The following SHISA9 variants were observed in gnomAD, a reference collection of about 807,000 sequenced individuals.
SHISA9 encodes shisa family member 9.
Under a neutral mutation model 38.0 loss-of-function variants are expected in SHISA9, and 13 were observed. That is an observed-to-expected ratio of 0.34 (90% CI 0.22 to 0.54). The LOEUF is 0.54. Among genes scored for constraint, SHISA9 ranks in the 20% least tolerant of loss-of-function variants. SHISA9 has a pLI of 0.91. For synonymous variants in SHISA9, 275 were observed against 242.0 expected (o/e 1.14, Z -1.27); for missense variants, 538 against 575.8 (o/e 0.93, Z 0.67).
At chr16:13,101,220 A>G (rs1462418427) in intron 2 of SHISA9, among the ~76,000 whole-genome samples, 1 of 152,214 alleles carries the variant, frequency 6.6e-6, no homozygotes, top group African/African-American at 2.4e-5. Flanking sequence ...ACAATACTGT[A>G]CTGTATACTT....
intron 2 of SHISA9, among the ~76,000 whole-genome samples, chr16:13,080,949 A>G (rs2073641552): frequency 6.6e-6 from 1 of 152,106 alleles, no homozygotes; most frequent in African/African-American, 2.4e-5. Flanking sequence ...TCACATGGCC[A>G]AGAGAGAGGT....
chr16:13,412,166 G>A, the SHISA9 span, among the ~76,000 whole-genome samples: 141 of 152,210 alleles, frequency 9.3e-4, no homozygotes, highest in Non-Finnish European at 1.8e-3. Flanking sequence ...CATTTTCTGG[G>A]TTCTCAACTG....
intron 2 of SHISA9, among the ~76,000 whole-genome samples, chr16:13,118,400 C>T (rs529022391): frequency 6.6e-6 from 1 of 152,188 alleles, no homozygotes; most frequent in African/African-American, 2.4e-5. Flanking sequence ...AAGAAGAGAA[C>T]AGGACATTTT....
chr16:13,543,511 G>A, the SHISA9 span, among the ~76,000 whole-genome samples: 2 of 152,106 alleles, frequency 1.3e-5, no homozygotes, highest in African/African-American at 2.4e-5. Flanking sequence ...CCACTCAGAC[G>A]GCCAGCATAA....
At chr16:13,484,133 C>A in the SHISA9 span, among the ~76,000 whole-genome samples, 3 of 152,046 alleles carry the variant, frequency 2.0e-5, no homozygotes, top group Non-Finnish European at 4.4e-5. Context: ...AGAGGACACC[C>A]AGCTGGTATT....
the SHISA9 span, among the ~76,000 whole-genome samples, chr16:13,469,863 T>G: frequency 6.6e-6 from 1 of 152,092 alleles, no homozygotes; most frequent in Non-Finnish European, 1.5e-5. Context: ...GGGTGGGAAG[T>G]TTGCTCTTTT....
intron 2 of SHISA9, among the ~76,000 whole-genome samples, chr16:13,091,756 A>G (rs1385750405): frequency 6.6e-6 from 1 of 152,244 alleles, no homozygotes; most frequent in East Asian, 1.9e-4. Flanking sequence ...ATCCTCCTTT[A>G]GCTCGGAGAA....
the SHISA9 span, among the ~76,000 whole-genome samples, chr16:13,330,098 T>C: frequency 6.6e-6 from 1 of 152,226 alleles, no homozygotes; most frequent in African/African-American, 2.4e-5. Context: ...TATCAGTTAA[T>C]GTTTGTTGTG....
intron 2 of SHISA9, among the ~76,000 whole-genome samples, chr16:13,068,434 T>G (rs116435139): frequency 0.013 from 1,926 of 152,312 alleles, 35 homozygotes; most frequent in African/African-American, 0.042. Flanking sequence ...TGTTGTACAC[T>G]TATTCTCACT....
intron 2 of SHISA9, among the ~76,000 whole-genome samples, chr16:13,061,894 G>A (rs780886968): frequency 6.6e-5 from 10 of 152,172 alleles, no homozygotes; most frequent in Non-Finnish European, 1.3e-4. Context: ...GTGGGGGGAG[G>A]AGCATTCTAA....
the SHISA9 span, among the ~76,000 whole-genome samples, chr16:13,321,144 C>G: frequency 6.6e-6 from 1 of 152,118 alleles, no homozygotes; most frequent in African/African-American, 2.4e-5. Flanking sequence ...TCTGGAAATC[C>G]ACAATGAAGT....
At chr16:12,972,538 C>G (rs2072098717) in intron 2 of SHISA9, among the ~76,000 whole-genome samples, 1 of 152,222 alleles carries the variant, frequency 6.6e-6, no homozygotes, top group Admixed American at 6.5e-5. Context: ...TCTAAGTCAG[C>G]ACTGTCCAAA....
chr16:13,532,665 C>T, the SHISA9 span, among the ~76,000 whole-genome samples: 3 of 152,090 alleles, frequency 2.0e-5, no homozygotes, highest in African/African-American at 7.2e-5. Flanking sequence ...AAAGTGTCCC[C>T]CTTGCTTCAC....
intron 2 of SHISA9, among the ~76,000 whole-genome samples, chr16:13,108,594 A>G (rs551501688): frequency 1.5e-3 from 235 of 152,204 alleles, no homozygotes; most frequent in African/African-American, 5.5e-3. Context: ...TAGAAAACCA[A>G]CCGTTACCTC....
At chr16:13,024,845 C>G (rs1596593641) in intron 2 of SHISA9, among the ~76,000 whole-genome samples, 2 of 152,252 alleles carry the variant, frequency 1.3e-5, no homozygotes, top group East Asian at 3.9e-4. Flanking sequence ...CTTCCTGACG[C>G]CTGGTTAGCA....
At chr16:13,094,718 T>C (rs888140396) in intron 2 of SHISA9, among the ~76,000 whole-genome samples, 1 of 152,144 alleles carries the variant, frequency 6.6e-6, no homozygotes, top group Non-Finnish European at 1.5e-5. Flanking sequence ...GTAGACTTTG[T>C]TTTGGGTAAA....
At chr16:13,341,373 T>A in the SHISA9 span, among the ~76,000 whole-genome samples, 1 of 152,190 alleles carries the variant, frequency 6.6e-6, no homozygotes, top group Admixed American at 6.5e-5. Flanking sequence ...TTTTGTTTAA[T>A]CTTGTATGAG....
the SHISA9 span, among the ~76,000 whole-genome samples, chr16:13,468,907 C>T: frequency 2.1e-3 from 312 of 151,574 alleles, 1 homozygote; most frequent in African/African-American, 7.4e-3. Context: ...ATATAAAACA[C>T]ATATATAAAA....
At chr16:13,152,131 G>C (rs945931479) in intron 2 of SHISA9, among the ~76,000 whole-genome samples, 2 of 152,136 alleles carry the variant, frequency 1.3e-5, no homozygotes, top group Non-Finnish European at 2.9e-5. Flanking sequence ...ATAAATAAAA[G>C]GGGCTAGTTC....
Sources: gnomAD v4.1 joint callset for allele counts (sites outside exome capture counted in the v4.1 genomes callset) on GRCh38, gnomAD v4.1.1 for gene constraint, MANE v1.5 for transcripts, NCBI Gene and HGNC (gene_info 2026-07-23, HGNC 2026-07-21) for gene names.